The following PPP2R2B variants were observed in gnomAD, a reference collection of about 807,000 sequenced individuals.
PPP2R2B encodes the protein serine/threonine-protein phosphatase 2A 55 kDa regulatory subunit B beta isoform.
PPP2R2B carries 5 observed loss-of-function variants against 46.0 expected under a neutral mutation model. The observed-to-expected ratio is 0.11, with a 90% CI of 0.06 to 0.23. The LOEUF is 0.23. Ranked by LOEUF, PPP2R2B falls within the 10% of genes least tolerant of loss-of-function variation. PPP2R2B has a pLI of 1.00. For missense variants in PPP2R2B, 367 were observed against 575.0 expected (o/e 0.64, Z 3.70); for synonymous variants, 215 against 206.7 (o/e 1.04, Z -0.34).
intron 5 of PPP2R2B, among the ~76,000 whole-genome samples, chr5:146,667,802 C>T (rs2151116730): frequency 6.6e-6 from 1 of 152,270 alleles, no homozygotes; most frequent in Non-Finnish European, 1.5e-5. Flanking sequence ...TTACCAATGA[C>T]TTCATCTGTT....
intron 5 of PPP2R2B, among the ~76,000 whole-genome samples, chr5:146,670,514 G>T (rs868158467): frequency 4.0e-5 from 3 of 74,178 alleles, no homozygotes; most frequent in East Asian, 4.1e-4. Context: ...TTTATTTATT[G>T]AGACAGAATC....
At chr5:146,842,488 T>A (rs74358357) in intron 2 of PPP2R2B, among the ~76,000 whole-genome samples, 9 of 121,704 alleles carry the variant, frequency 7.4e-5, no homozygotes, top group East Asian at 3.1e-4. Context: ...GCCCTTTTTT[T>A]TTTTTTTTTT....
At chr5:146,737,490 A>C (rs73320084) in intron 2 of PPP2R2B, among the ~76,000 whole-genome samples, 1,665 of 152,300 alleles carry the variant, frequency 0.011, 31 homozygotes, top group African/African-American at 0.038. Context: ...ATGATTCAAC[A>C]AATATCTATG....
chr5:146,858,953 G>C (rs986643809), intron 2 of PPP2R2B, among the ~76,000 whole-genome samples: 1 of 152,128 alleles, frequency 6.6e-6, no homozygotes, highest in East Asian at 1.9e-4. Flanking sequence ...TCCACCCAAA[G>C]AACCTTGTTC....
chr5:146,731,777 G>A (rs1752246529), intron 2 of PPP2R2B, among the ~76,000 whole-genome samples: 3 of 152,124 alleles, frequency 2.0e-5, no homozygotes, highest in Admixed American at 2.0e-4. Context: ...TCCTCAATAA[G>A]TTTTAGGAAA....
At chr5:146,816,209 G>T (rs1757922863) in intron 2 of PPP2R2B, among the ~76,000 whole-genome samples, 1 of 152,038 alleles carries the variant, frequency 6.6e-6, no homozygotes, top group African/African-American at 2.4e-5. Context: ...TTTGAGACCA[G>T]CCTGGGCAAC....
At chr5:146,924,036 A>C (rs1013136593) in intron 1 of PPP2R2B, among the ~76,000 whole-genome samples, 1 of 152,184 alleles carries the variant, frequency 6.6e-6, no homozygotes, top group African/African-American at 2.4e-5. Context: ...ACATATGGAC[A>C]CATAGAGGGG....
chr5:146,835,533 A>G (rs1168540528), intron 2 of PPP2R2B, among the ~76,000 whole-genome samples: 1 of 152,020 alleles, frequency 6.6e-6, no homozygotes, highest in Admixed American at 6.6e-5. Flanking sequence ...ACTGCTTCAC[A>G]CCCCTCCTTT....
chr5:146,646,853 A>ATG lies in PPP2R2B; in HGVS notation c.625+3692_625+3693dup, dbSNP rs754811556. Among the ~76,000 whole-genome samples the ATG allele has an allele frequency of 2.6e-3, 396 of 151,480 alleles. 1 individual carries two copies. Among genetic ancestry groups the ATG allele is most frequent in the South Asian group, 9.8e-3 (47 of 4,794 alleles). On this transcript the variant is annotated intron_variant, in intron 6 of 9. Transcript: ENST00000394411. The stretch of plus-strand genomic sequence containing the variant: ...CACTACCCTAAATGTGTGCGTGCGT[A>ATG]TGTGTGTGTGTGTGTGTTTAATTTT...
At chr5:146,617,325 ATTAAT>A (rs1383481299) in intron 7 of PPP2R2B, among the ~76,000 whole-genome samples, 1 of 152,212 alleles carries the variant, frequency 6.6e-6, no homozygotes, top group Non-Finnish European at 1.5e-5. Flanking sequence ...TATAGTCAAT[ATTAAT>A]TTAATTGCAC....
intron 2 of PPP2R2B, among the ~76,000 whole-genome samples, chr5:146,816,306 A>T (rs1468429542): frequency 6.6e-6 from 1 of 152,158 alleles, no homozygotes; most frequent in African/African-American, 2.4e-5. Flanking sequence ...TAGGGAGGCT[A>T]GGAGGATGAC....
rs540680894 is a variant in PPP2R2B, at chr5:146,675,539, G to T, written c.447+15589C>A. The stretch of plus-strand genomic sequence containing the variant: ...ATTGTTATGGCAATTACAAGGTAGA[G>T]AAATCTAGGATGAAACATATAGCAA... On this transcript the variant is annotated intron_variant, in intron 5 of 9. Transcript: ENST00000394411. 2.6e-5 allele frequency among the ~76,000 whole-genome samples: 4 copies of T among 152,324 alleles called. No individual in the cohort carries two copies. In the East Asian group the frequency reaches 5.8e-4, roughly 22 times the overall value.
At chr5:146,765,556 T>A (rs1754425685) in intron 2 of PPP2R2B, among the ~76,000 whole-genome samples, 1 of 152,182 alleles carries the variant, frequency 6.6e-6, no homozygotes, top group African/African-American at 2.4e-5. Context: ...ACATCTAAAT[T>A]GCCACTCTAA....
chr5:146,618,288 A>G (rs1349371060), intron 7 of PPP2R2B, among the ~76,000 whole-genome samples: 1 of 152,192 alleles, frequency 6.6e-6, no homozygotes, highest in Admixed American at 6.5e-5. Flanking sequence ...GAAAGGTGCC[A>G]TGAGCCAAGG....
intron 5 of PPP2R2B, among the ~76,000 whole-genome samples, chr5:146,658,375 A>G (rs1417640653): frequency 6.6e-6 from 1 of 152,190 alleles, no homozygotes; most frequent in Non-Finnish European, 1.5e-5. Context: ...CCTTCAAGAA[A>G]CAGCCTTCAT....
At chr5:146,923,317 CA>C (rs1346677621) in intron 1 of PPP2R2B, among the ~76,000 whole-genome samples, 1 of 152,206 alleles carries the variant, frequency 6.6e-6, no homozygotes, top group East Asian at 1.9e-4. Flanking sequence ...AAACTTGAAA[CA>C]GGCAAAATGT....
At chr5:146,714,748 C>T (rs976466630) in intron 2 of PPP2R2B, among the ~76,000 whole-genome samples, 6 of 152,072 alleles carry the variant, frequency 3.9e-5, no homozygotes, top group African/African-American at 1.2e-4. Flanking sequence ...GAATTTCTCT[C>T]ATATATCAGC....
chr5:146,978,551 G>A (rs936158674), intron 1 of PPP2R2B, among the ~76,000 whole-genome samples: 7 of 152,150 alleles, frequency 4.6e-5, no homozygotes, highest in Admixed American at 1.3e-4. Context: ...TTTGTATAAG[G>A]TGTAAGGAAG....
chr5:146,701,286 T>A lies in PPP2R2B; in HGVS notation c.71-144A>T, dbSNP rs1442927062. ...TACAAGGATGTTATGTTCTGGGTTT[T>A]AAATGCCACCAGAAGTGGCACTTGG... On this transcript the variant is annotated intron_variant, in intron 2 of 9. Transcript: ENST00000394411. 14 of 837,182 alleles carry A rather than the reference T, an allele frequency of 1.7e-5. No homozygotes were observed. The Middle Eastern group carries it at 7.2e-4, about 43-fold the overall frequency. The allele number at this position is 837,182 out of a possible 1,614,324, so 51.9% of individuals were successfully genotyped here.
Sources: allele counts gnomAD v4.1 joint callset (sites outside exome capture counted in the v4.1 genomes callset), GRCh38; gene constraint gnomAD v4.1.1; transcripts MANE v1.5; gene names NCBI Gene and HGNC (gene_info 2026-07-23, HGNC 2026-07-21).